The following EML6 variants were observed in gnomAD, a reference collection of about 807,000 sequenced individuals.
The protein encoded by EML6 is echinoderm microtubule-associated protein-like 6.
Under a neutral mutation model 240.1 loss-of-function variants are expected in EML6, and 154 were observed. The observed-to-expected ratio is 0.64, with a 90% CI of 0.56 to 0.73. The LOEUF (loss-of-function observed/expected upper bound fraction) is 0.73, where lower values mean the gene tolerates loss of function less well. EML6 is among the 30% of genes least tolerant of loss of function. EML6 has a pLI of 0.00. For synonymous variants in EML6, 1,148 were observed against 899.0 expected (o/e 1.28, Z -4.95); for missense variants, 2,964 against 2,474.6 (o/e 1.20, Z -4.20).
chr2:54,886,196 T>G (rs1191995387), intron 17 of EML6, among the ~76,000 whole-genome samples: 1 of 142,226 alleles, frequency 7.0e-6, no homozygotes, highest in Non-Finnish European at 1.5e-5. Flanking sequence ...GATGGTGTCT[T>G]GCTGTGTCAC....
Position 54,725,384 on chromosome 2 carries a change from A to G in EML6, c.197+126A>G, listed in dbSNP as rs1682866457. On this transcript the variant is annotated intron_variant, in intron 2 of 41. Transcript: ENST00000356458. The surrounding 1 kb of genome is among the most constrained non-coding windows in gnomAD (Gnocchi z 4.3). ...GAGGATTCTCTCTGGAGCCGCATGG[A>G]ATTACTGAAGGGCTGCTGATTCTAG... 2 of 674,706 alleles carry G rather than the reference A, an allele frequency of 3.0e-6. No homozygotes were observed. The highest frequency in any genetic ancestry group is 5.5e-5 in the South Asian group (2 of 36,086). 41.8% of individuals were successfully genotyped at this position (674,706 alleles called of 1,614,324 possible).
chr2:54,903,608 G>A, intron 24 of EML6, 106 bp downstream of exon 24: 1 of 952,098 alleles, frequency 1.1e-6, no homozygotes, highest in Non-Finnish European at 1.5e-6. Context: ...AATGGGAAAG[G>A]GGAATCCCAC....
intron 2 of EML6, among the ~76,000 whole-genome samples, chr2:54,803,103 A>T (rs2103983249): frequency 6.6e-6 from 1 of 152,320 alleles, no homozygotes; most frequent in Admixed American, 6.5e-5. Flanking sequence ...AAAAACTTGG[A>T]AAGAGAACAG....
At chr2:54,789,543 A>AGAAAAAG (rs1669307819) in intron 2 of EML6, among the ~76,000 whole-genome samples, 3 of 145,656 alleles carry the variant, frequency 2.1e-5, no homozygotes, top group Non-Finnish European at 4.5e-5. Context: ...AAAAAAAAAA[A>AGAAAAAG]AAAAAGAAAA....
chr2:54,802,609 C>T (rs960854871), intron 2 of EML6, among the ~76,000 whole-genome samples: 10 of 146,194 alleles, frequency 6.8e-5, no homozygotes, highest in African/African-American at 2.5e-4. Flanking sequence ...CAGAGTGAGA[C>T]CCTGTCTCAT....
In EML6 at chr2:54,950,576, C is replaced by T. The variant is rs143818931; in HGVS notation, c.4084-74C>T. On this transcript the variant is annotated intron_variant, in intron 29 of 41. Coordinates refer to ENST00000356458, the MANE Select transcript of EML6 (RefSeq NM_001039753.4). ...TTCCTGGGACACACGAGGCTGCTCA[C>T]GCAATGTGGGTGTGTTCCTCGGCTC... is the stretch of plus-strand genomic sequence containing the variant. The T allele has an allele frequency of 1.6e-4, 240 of 1,504,192 alleles. 1 individual carries two copies. The East Asian group carries it at 4.6e-3, about 29-fold the overall frequency. 93.2% of individuals were successfully genotyped at this position (1,504,192 alleles called of 1,614,324 possible).
intron 38 of EML6, chr2:54,966,613 A>T: frequency 6.3e-6 from 1 of 157,606 alleles, no homozygotes; most frequent in Non-Finnish European, 1.4e-5. Context: ...TGTATCAGAA[A>T]CACCTGGCGG....
intron 2 of EML6, among the ~76,000 whole-genome samples, chr2:54,754,444 A>C (rs766220117): frequency 3.0e-4 from 46 of 152,086 alleles, no homozygotes; most frequent in Non-Finnish European, 5.3e-4. Context: ...TAGTACAAGC[A>C]CCTTTTCATG....
At chr2:54,749,000 C>T (rs899025878) in intron 2 of EML6, among the ~76,000 whole-genome samples, 3 of 152,132 alleles carry the variant, frequency 2.0e-5, no homozygotes, top group Non-Finnish European at 2.9e-5. Flanking sequence ...AGAGTATATG[C>T]GTGTTTCTGT....
chr2:54,750,243 C>A (rs1684098576), intron 2 of EML6, among the ~76,000 whole-genome samples: 1 of 152,152 alleles, frequency 6.6e-6, no homozygotes, highest in Admixed American at 6.5e-5. Flanking sequence ...ATATTTGACT[C>A]CTGGGACGGG....
chr2:54,881,522 G>A (rs1671807010), intron 17 of EML6: 1 of 151,904 alleles, frequency 6.6e-6, no homozygotes, highest in African/African-American at 2.4e-5. Context: ...AGGCGTGGTG[G>A]CGGGCGCCTG....
intron 2 of EML6, among the ~76,000 whole-genome samples, chr2:54,792,376 T>C (rs1669499616): frequency 6.6e-6 from 1 of 152,246 alleles, no homozygotes; most frequent in African/African-American, 2.4e-5. Context: ...AAATGCTTAA[T>C]AAAAACTTGA....
chr2:54,929,692 A>ACCTCCT (rs67666233), intron 28 of EML6, among the ~76,000 whole-genome samples: 45 of 143,160 alleles, frequency 3.1e-4, no homozygotes, highest in African/African-American at 8.0e-4. Context: ...AAGAAATGTA[A>ACCTCCT]CCTCCTCCTC....
chr2:54,894,868 T>C (rs1468603107), intron 19 of EML6, 47 bp from the exon 20 acceptor site: 1 of 1,339,366 alleles, frequency 7.5e-7, no homozygotes, highest in African/African-American at 1.4e-5. Context: ...AGTGGGTAAT[T>C]GGTCATTTTG....
At chr2:54,842,499 G>T (rs529241066) in intron 7 of EML6, among the ~76,000 whole-genome samples, 2 of 152,268 alleles carry the variant, frequency 1.3e-5, no homozygotes, top group South Asian at 2.1e-4. Context: ...AGCAAGGAAA[G>T]AATACTCCTA....
Position 54,892,643 on chromosome 2 carries a change from A to G in EML6, c.2729A>G (p.Tyr910Cys), listed in dbSNP as rs1672534622. The G allele has an allele frequency of 1.3e-6, 2 of 1,551,250 alleles. No homozygotes were observed. Among genetic ancestry groups the G allele is most frequent in the East Asian group, 2.4e-5 (1 of 40,912 alleles). Residue 910 changes from tyrosine (Y) to cysteine (C), a missense_variant, in exon 19 of 42, where the codon TAT (tyrosine) becomes TGT (cysteine). Transcript: ENST00000356458. ...CATGATGGGCCTGTGTTTGCTATGTATGCACTGGATAAGGTATGGCCTGTG... is the reference window on the plus strand; with the variant it reads ...CATGATGGGCCTGTGTTTGCTATGTGTGCACTGGATAAGGTATGGCCTGTG... ...KAHDGPVFAM[Y>C]ALDKGFVTGG...
At position 54,725,083 on chromosome 2, in the gene EML6, C is replaced by A; in HGVS notation, c.22C>A (p.Arg8Ser). 6.5e-7 allele frequency: 1 copy of A among 1,528,768 alleles called. No homozygotes were observed. The highest frequency in any genetic ancestry group is 8.8e-7 in the Non-Finnish European group (1 of 1,137,608). 94.7% of individuals were successfully genotyped at this position (1,528,768 alleles called of 1,614,324 possible). MADRTAP[R>S]CQLRLEWVYG... ...TATCATGGCGGATCGGACGGCGCCCCGCTGCCAGCTCCGGCTGGAGTGGGT... is the reference window on the plus strand; with the variant it reads ...TATCATGGCGGATCGGACGGCGCCCAGCTGCCAGCTCCGGCTGGAGTGGGT... Residue 8 changes from arginine (R) to serine (S), a missense_variant, in exon 2 of 42, where the codon CGC (arginine) becomes AGC (serine). Transcript: ENST00000356458. This position sits in a 1 kb window ranked among gnomAD's most constrained non-coding sequence, Gnocchi z 4.3.
intron 26 of EML6, among the ~76,000 whole-genome samples, chr2:54,927,887 GC>G (rs1207046934): frequency 2.0e-5 from 3 of 152,192 alleles, no homozygotes; most frequent in Admixed American, 6.5e-5. Flanking sequence ...TTGCTCTTCT[GC>G]CACTGCCTGG....
At chr2:54,848,536 C>CACACACACACACACACACAG (rs1273748177) in intron 9 of EML6, among the ~76,000 whole-genome samples, 3 of 151,942 alleles carry the variant, frequency 2.0e-5, no homozygotes, top group East Asian at 3.8e-4. Flanking sequence ...CACACACACA[C>CACACACACACACACACACAG]ACACACACAC....
Sources: gnomAD v4.1 joint callset for allele counts (sites outside exome capture counted in the v4.1 genomes callset) on GRCh38, gnomAD v4.1.1 for gene constraint, Gnocchi (gnomAD v3.1) non-coding constraint, MANE v1.5 for transcripts, NCBI Gene and HGNC (gene_info 2026-07-23, HGNC 2026-07-21) for gene names.